Variants in FOCAD observed in about 807,000 individuals in gnomAD.
The protein encoded by FOCAD is focadhesin.
FOCAD carries 198 observed loss-of-function variants against 225.6 expected under a neutral mutation model. That is an observed-to-expected ratio of 0.88 (90% CI 0.78 to 0.99). FOCAD has a LOEUF of 0.99. Ranked by LOEUF, FOCAD falls within the 50% of genes least tolerant of loss-of-function variation. FOCAD has a pLI of 0.00. For synonymous variants in FOCAD, 897 were observed against 755.0 expected (o/e 1.19, Z -3.08); for missense variants, 2,713 against 2,123.6 (o/e 1.28, Z -5.46).
intron 13 of FOCAD, 117 bp from the exon 14 acceptor site, chr9:20,820,824 C>A: frequency 9.1e-7 from 1 of 1,103,534 alleles, no homozygotes; most frequent in Non-Finnish European, 1.3e-6. Context: ...AGAAGAACGA[C>A]AGTATAATTT....
chr9:20,714,173 A>G (rs1825112485), intron 1 of FOCAD, among the ~76,000 whole-genome samples: 1 of 152,168 alleles, frequency 6.6e-6, no homozygotes, highest in Non-Finnish European at 1.5e-5. Context: ...CTATTTGCAT[A>G]TACTTTAAAC....
intron 21 of FOCAD, among the ~76,000 whole-genome samples, chr9:20,888,565 TTC>T (rs2131886678): frequency 6.6e-6 from 1 of 152,338 alleles, no homozygotes; most frequent in South Asian, 2.1e-4. Context: ...ATTTTCTTTT[TTC>T]CTGTGTTTTA....
intron 33 of FOCAD, among the ~76,000 whole-genome samples, chr9:20,950,453 T>C (rs757450404): frequency 2.8e-4 from 43 of 152,300 alleles, no homozygotes; most frequent in Middle Eastern, 3.4e-3. Context: ...CAAAACTCTT[T>C]TTTGCATGTA....
intron 29 of FOCAD, among the ~76,000 whole-genome samples, chr9:20,946,391 T>A (rs1033533798): frequency 6.6e-6 from 1 of 152,222 alleles, no homozygotes; most frequent in East Asian, 1.9e-4. Context: ...TCTGGCATAA[T>A]GTGGTGAAGA....
chr9:20,660,608 C>A (rs894626337), intron 2 of FOCAD, among the ~76,000 whole-genome samples: 2 of 152,132 alleles, frequency 1.3e-5, no homozygotes, highest in African/African-American at 4.8e-5. Flanking sequence ...TCCGAAGAGA[C>A]AGCAACAGTT....
intron 35 of FOCAD, among the ~76,000 whole-genome samples, chr9:20,954,892 A>G (rs1564199895): frequency 6.6e-6 from 1 of 152,210 alleles, no homozygotes; most frequent in Non-Finnish European, 1.5e-5. Context: ...TCCAAAGCCC[A>G]TTTACAAAAA....
At position 20,674,536 on chromosome 9, in the gene FOCAD, G is replaced by A. The variant is rs534994857; in HGVS notation, c.-78+15710G>A. ...TTCTTGACAGAGAATGTAAGCAGAA[G>A]AGAATTTTTTAAGACCCCTAGCAAC... On this transcript the variant is annotated intron_variant, in intron 2 of 45. Transcript: ENST00000380249. 4.6e-5 allele frequency among the ~76,000 whole-genome samples: 7 copies of A among 152,288 alleles called. No individual in the cohort carries two copies. The South Asian group carries it at 1.5e-3, about 32-fold the overall frequency.
At chr9:20,926,959 A>C (rs1410388331) in intron 26 of FOCAD, among the ~76,000 whole-genome samples, 5 of 150,660 alleles carry the variant, frequency 3.3e-5, no homozygotes, top group Non-Finnish European at 3.0e-5. Context: ...ATATGTGTGT[A>C]AATATTAATG....
chr9:20,990,164 T>C lies in FOCAD; in HGVS notation c.5046T>C (p.Val1682=), dbSNP rs146654517. 3.6e-4 allele frequency: 578 copies of C among 1,614,106 alleles called. 1 individual carries two copies. Among genetic ancestry groups the C allele is most frequent in the Admixed American group, 5.7e-4 (34 of 60,008 alleles). Reference sequence around the variant, plus strand: ...TGCTGATATTTGCAACCGCAGTGGTTGCATGGGCTGACCACACTGCCCCTC... The same window carrying C: ...TGCTGATATTTGCAACCGCAGTGGTCGCATGGGCTGACCACACTGCCCCTC... ...FFLLIFATAV[V]AWADHTAPLL... The change falls in exon 42 of 44, where the codon GTT becomes GTC. Residue 1682 remains valine, a synonymous_variant. Transcript: ENST00000338382.
chr9:20,659,618 G>A (rs1260264975), intron 2 of FOCAD, among the ~76,000 whole-genome samples: 1 of 152,172 alleles, frequency 6.6e-6, no homozygotes, highest in Non-Finnish European at 1.5e-5. Context: ...CTAACACTTT[G>A]ATGTTGGATT....
intron 29 of FOCAD, among the ~76,000 whole-genome samples, chr9:20,945,620 T>C (rs1318426320): frequency 6.6e-6 from 1 of 152,176 alleles, no homozygotes; most frequent in African/African-American, 2.4e-5. Flanking sequence ...TTTAAAGCAG[T>C]GTAGAGTGTG....
At chr9:20,722,982 T>G (rs1208590413) in intron 4 of FOCAD, among the ~76,000 whole-genome samples, 1 of 152,160 alleles carries the variant, frequency 6.6e-6, no homozygotes, top group Non-Finnish European at 1.5e-5. Context: ...TTCTGTGTAT[T>G]TGAGGTGTAA....
intron 8 of FOCAD, among the ~76,000 whole-genome samples, chr9:20,774,299 C>T (rs1460472175): frequency 6.6e-6 from 1 of 152,112 alleles, no homozygotes; most frequent in African/African-American, 2.4e-5. Flanking sequence ...TCCAAGACTA[C>T]AGGGGATGGT....
intron 9 of FOCAD, among the ~76,000 whole-genome samples, chr9:20,780,387 A>C (rs1819245541): frequency 6.6e-6 from 1 of 152,244 alleles, no homozygotes; most frequent in African/African-American, 2.4e-5. Flanking sequence ...TGTGTAAGAG[A>C]AAGATAATAC....
intron 26 of FOCAD, among the ~76,000 whole-genome samples, chr9:20,928,753 A>G (rs1835188179): frequency 6.6e-6 from 1 of 152,148 alleles, no homozygotes; most frequent in African/African-American, 2.4e-5. Flanking sequence ...TAGGATTTCA[A>G]CTTCCTTTTT....
chr9:20,861,870 A>T (rs1043048297), intron 15 of FOCAD, among the ~76,000 whole-genome samples: 5 of 152,152 alleles, frequency 3.3e-5, no homozygotes, highest in Admixed American at 3.3e-4. Context: ...GTTAGCTGGA[A>T]TTGAACTTAA....
At chr9:20,672,437 A>T (rs1395579582) in intron 2 of FOCAD, among the ~76,000 whole-genome samples, 1 of 152,212 alleles carries the variant, frequency 6.6e-6, no homozygotes, top group Non-Finnish European at 1.5e-5. Flanking sequence ...GTTATAACTT[A>T]AAAATAAATT....
chr9:20,662,179 AAT>A (rs1202931903), intron 2 of FOCAD, among the ~76,000 whole-genome samples: 2 of 151,050 alleles, frequency 1.3e-5, no homozygotes, highest in Admixed American at 6.6e-5. Flanking sequence ...ATAAAGTGGA[AAT>A]ATATGTGTGT....
intron 19 of FOCAD, among the ~76,000 whole-genome samples, chr9:20,880,096 C>T (rs149790364): frequency 3.7e-4 from 56 of 152,242 alleles, no homozygotes; most frequent in Non-Finnish European, 5.9e-4. Flanking sequence ...GGCCTGCAAT[C>T]GGATATTACT....
Sources: gnomAD v4.1 joint callset for allele counts (sites outside exome capture counted in the v4.1 genomes callset) on GRCh38, gnomAD v4.1.1 for gene constraint, MANE v1.5 for transcripts, NCBI Gene and HGNC (gene_info 2026-07-23, HGNC 2026-07-21) for gene names.